PELI2: variants seen among roughly 807,000 people sequenced by gnomAD.
PELI2 encodes the protein E3 ubiquitin-protein ligase pellino homolog 2.
In PELI2, 23 loss-of-function variants were observed where a neutral mutation model predicts 42.3. That is an observed-to-expected ratio of 0.54 (90% CI 0.39 to 0.77). The LOEUF (loss-of-function observed/expected upper bound fraction) is 0.77. Ranked by LOEUF, PELI2 falls within the 30% of genes least tolerant of loss-of-function variation. The pLI, the probability that PELI2 is intolerant of heterozygous loss-of-function variation, is 0.00. For missense variants in PELI2, 463 were observed against 553.2 expected (o/e 0.84, Z 1.64); for synonymous variants, 245 against 212.2 (o/e 1.15, Z -1.34).
intron 1 of PELI2, chr14:56,119,147 C>T (rs1176809043): frequency 6.6e-6 from 1 of 151,978 alleles, no homozygotes; most frequent in African/African-American, 2.4e-5. Flanking sequence ...CGCGGGGTCG[C>T]TTCCCGAAGC....
intron 1 of PELI2, among the ~76,000 whole-genome samples, chr14:56,149,633 T>G (rs1884263592): frequency 6.6e-6 from 1 of 152,246 alleles, no homozygotes; most frequent in East Asian, 1.9e-4. Context: ...CATCACAGTG[T>G]GAAATCTTTT....
At chr14:56,280,544 A>G (rs917171989) in intron 3 of PELI2, among the ~76,000 whole-genome samples, 1 of 152,128 alleles carries the variant, frequency 6.6e-6, no homozygotes, top group Non-Finnish European at 1.5e-5. Flanking sequence ...GCATTTCCAT[A>G]TGGAGAGTTA....
chr14:56,124,193 A>G (rs1253376058), intron 1 of PELI2, among the ~76,000 whole-genome samples: 1 of 152,236 alleles, frequency 6.6e-6, no homozygotes, highest in Non-Finnish European at 1.5e-5. Context: ...AGCTTTGTCT[A>G]AATCACCTGT....
intron 2 of PELI2, among the ~76,000 whole-genome samples, chr14:56,213,623 T>C (rs868553704): frequency 6.6e-6 from 1 of 152,116 alleles, no homozygotes; most frequent in East Asian, 1.9e-4. Context: ...GGTGGTGTTT[T>C]AGGATGGAGG....
At chr14:56,177,321 G>C (rs947588231) in intron 1 of PELI2, among the ~76,000 whole-genome samples, 3 of 152,186 alleles carry the variant, frequency 2.0e-5, no homozygotes, top group African/African-American at 7.2e-5. Context: ...AGTGGAGAAG[G>C]CCCAGGGATC....
chr14:56,255,799 T>C (rs1434883242), intron 2 of PELI2, among the ~76,000 whole-genome samples: 1 of 152,122 alleles, frequency 6.6e-6, no homozygotes, highest in African/African-American at 2.4e-5. Context: ...AATCTTATTA[T>C]GCAAATGAAT....
chr14:56,258,481 C>T (rs924935776), intron 2 of PELI2, among the ~76,000 whole-genome samples: 2 of 151,618 alleles, frequency 1.3e-5, no homozygotes, highest in Non-Finnish European at 1.5e-5. Context: ...TTCTCTATGA[C>T]GTGGAATGTA....
At chr14:56,141,499 G>A (rs1239401733) in intron 1 of PELI2, among the ~76,000 whole-genome samples, 1 of 152,200 alleles carries the variant, frequency 6.6e-6, no homozygotes, top group Non-Finnish European at 1.5e-5. Context: ...TAGACCAGGT[G>A]TTAGCCCATT....
At chr14:56,223,701 T>C (rs1298496384) in intron 2 of PELI2, among the ~76,000 whole-genome samples, 4 of 152,230 alleles carry the variant, frequency 2.6e-5, no homozygotes, top group Non-Finnish European at 5.9e-5. Flanking sequence ...TATTATTAAC[T>C]CCATTGAGGG....
intron 2 of PELI2, among the ~76,000 whole-genome samples, chr14:56,246,331 T>C (rs1888154563): frequency 6.6e-6 from 1 of 152,242 alleles, no homozygotes; most frequent in African/African-American, 2.4e-5. Context: ...CCGTAACTTT[T>C]ATACCTTGGT....
In PELI2 at chr14:56,295,713, C is replaced by G. The variant is rs565816389; in HGVS notation, c.697-887C>G. On this transcript the variant is annotated intron_variant, in intron 5 of 5. Coordinates refer to ENST00000267460, the MANE Select transcript of PELI2 (RefSeq NM_021255.3). ...CTGAGGCACGAGGAGTTTAAGTAAT[C>G]TGCACAGCGTCATACAGCTAATAAG... 3.3e-5 allele frequency among the ~76,000 whole-genome samples: 5 copies of G among 152,328 alleles called. No homozygotes were observed. The East Asian group carries it at 9.7e-4, about 29-fold the overall frequency.
chr14:56,121,020 A>G (rs1883040049), intron 1 of PELI2, among the ~76,000 whole-genome samples: 1 of 152,182 alleles, frequency 6.6e-6, no homozygotes, highest in South Asian at 2.1e-4. Context: ...TTCATATTCC[A>G]CCCTTAGGAT....
chr14:56,150,682 G>A (rs1468688417), intron 1 of PELI2, among the ~76,000 whole-genome samples: 1 of 152,144 alleles, frequency 6.6e-6, no homozygotes, highest in Non-Finnish European at 1.5e-5. Context: ...TAGAAAAGTG[G>A]CAGATTTATT....
At chr14:56,252,425 T>C (rs961441402) in intron 2 of PELI2, among the ~76,000 whole-genome samples, 1 of 152,232 alleles carries the variant, frequency 6.6e-6, no homozygotes, top group African/African-American at 2.4e-5. Flanking sequence ...TTAGAAAATA[T>C]AGTTGTAAAG....
At chr14:56,192,542 C>T (rs1326315652) in intron 2 of PELI2, among the ~76,000 whole-genome samples, 2 of 152,140 alleles carry the variant, frequency 1.3e-5, no homozygotes, top group East Asian at 1.9e-4. Flanking sequence ...AAGATGTCTT[C>T]AGATGTTACT....
intron 2 of PELI2, among the ~76,000 whole-genome samples, chr14:56,190,559 C>A (rs1160946082): frequency 1.3e-5 from 2 of 152,024 alleles, no homozygotes; most frequent in Non-Finnish European, 2.9e-5. Context: ...TAACAGATAA[C>A]CCCCATCCTG....
At chr14:56,233,845 C>T (rs1294617629) in intron 2 of PELI2, among the ~76,000 whole-genome samples, 1 of 152,160 alleles carries the variant, frequency 6.6e-6, no homozygotes, top group African/African-American at 2.4e-5. Context: ...AAAATTTTTG[C>T]AATCTACCCA....
At chr14:56,230,759 T>C (rs1029788075) in intron 2 of PELI2, among the ~76,000 whole-genome samples, 2 of 152,172 alleles carry the variant, frequency 1.3e-5, no homozygotes, top group African/African-American at 2.4e-5. Context: ...AATATTAATG[T>C]TAAATGTAAA....
At chr14:56,167,055 C>G (rs1884991599) in intron 1 of PELI2, among the ~76,000 whole-genome samples, 1 of 152,180 alleles carries the variant, frequency 6.6e-6, no homozygotes, top group Non-Finnish European at 1.5e-5. Context: ...TCCCAAAATG[C>G]TGGGATTACA....
Sources: gnomAD v4.1 joint callset for allele counts (sites outside exome capture counted in the v4.1 genomes callset) on GRCh38, gnomAD v4.1.1 for gene constraint, MANE v1.5 for transcripts, NCBI Gene and HGNC (gene_info 2026-07-23, HGNC 2026-07-21) for gene names.